PLA2R1: variants seen among roughly 807,000 people sequenced by gnomAD.
PLA2R1 encodes secretory phospholipase A2 receptor.
Under a neutral mutation model 195.9 loss-of-function variants are expected in PLA2R1, and 158 were observed. That is an observed-to-expected ratio of 0.81 (90% CI 0.71 to 0.92). The LOEUF is 0.92. Among genes scored for constraint, PLA2R1 ranks in the 40% least tolerant of loss-of-function variants. The probability of loss-of-function intolerance (pLI) is 0.00; values close to 1 mark genes in which losing one functional copy is unlikely to be tolerated. For missense variants in PLA2R1, 1,626 were observed against 1,764.6 expected, an observed-to-expected ratio of 0.92 and a Z score of 1.41; for synonymous variants, 586 against 598.2, an observed-to-expected ratio of 0.98 and a Z score of 0.30.
In PLA2R1 at chr2:159,987,171, C is replaced by G. The variant is rs1262392702; in HGVS notation, c.2022G>C (p.Leu674=). Residue 674 remains leucine, a synonymous_variant, in exon 12 of 30, where the codon CTG becomes CTC. Transcript: ENST00000283243. ...TTGGTATCACCTTGAAGCAACTGGCCAGACCAGGCTCTGACTCCCAGTCCA... is the reference window on the plus strand; with the variant it reads ...TTGGTATCACCTTGAAGCAACTGGCGAGACCAGGCTCTGACTCCCAGTCCA... ...CYLDWESEPG[L]ASCFKVFHSE... 6.2e-7 allele frequency: 1 copy of G among 1,613,378 alleles called. No individual in the cohort carries two copies. Among genetic ancestry groups the G allele is most frequent in the Non-Finnish European group, 8.5e-7 (1 of 1,179,370 alleles).
intron 11 of PLA2R1, among the ~76,000 whole-genome samples, chr2:160,005,002 A>C (rs915786327): frequency 6.6e-6 from 1 of 152,192 alleles, no homozygotes; most frequent in African/African-American, 2.4e-5. Flanking sequence ...TTCTGAACTG[A>C]GTAAGCACTT....
chr2:160,053,079 G>A (rs185620699), intron 1 of PLA2R1, among the ~76,000 whole-genome samples: 40 of 152,292 alleles, frequency 2.6e-4, no homozygotes, highest in East Asian at 7.7e-4. Flanking sequence ...GGCTGGAAGC[G>A]TGAGATTACA....
rs190122135 is a variant in PLA2R1, at chr2:160,029,581, T to G, written c.842-618A>C. On this transcript the variant is annotated intron_variant, in intron 4 of 29. Transcript: ENST00000283243. ...TCCTCTTAACCAGTCCACTACAACT[T>G]GCAGTTTAATGCAATACCATTTTTG... Among the ~76,000 whole-genome samples the G allele has an allele frequency of 2.6e-5, 4 of 152,208 alleles. No homozygotes were observed. The East Asian group carries it at 7.7e-4, about 29-fold the overall frequency.
At chr2:160,028,604 A>ATTTTTAAACAGCAGACTGGAATCTTG (rs1693666593) in intron 5 of PLA2R1, among the ~76,000 whole-genome samples, 1 of 152,128 alleles carries the variant, frequency 6.6e-6, no homozygotes, top group South Asian at 2.1e-4. Flanking sequence ...ATTTGTAGCT[A>ATTTTTAAACAGCAGACTGGAATCTTG]TTTTTAAAAC....
At chr2:160,023,740 G>T (rs998444786) in intron 6 of PLA2R1, among the ~76,000 whole-genome samples, 49 of 152,202 alleles carry the variant, frequency 3.2e-4, no homozygotes, top group Admixed American at 2.7e-3. Flanking sequence ...CCCCTTTCTG[G>T]TAACACCTGG....
chr2:160,009,819 A>C (rs1692237243), intron 10 of PLA2R1, among the ~76,000 whole-genome samples: 1 of 152,226 alleles, frequency 6.6e-6, no homozygotes, highest in South Asian at 2.1e-4. Context: ...ATGCACATTT[A>C]AGCTTAGGAG....
At chr2:160,038,948 C>T (rs769820313) in intron 3 of PLA2R1, among the ~76,000 whole-genome samples, 17 of 152,070 alleles carry the variant, frequency 1.1e-4, no homozygotes, top group Non-Finnish European at 2.1e-4. Context: ...CTCACTGCAA[C>T]CTCCATCTCC....
intron 20 of PLA2R1, among the ~76,000 whole-genome samples, chr2:159,965,623 T>C (rs1268730866): frequency 6.6e-6 from 1 of 152,206 alleles, no homozygotes; most frequent in Admixed American, 6.5e-5. Flanking sequence ...GGTTTTTACA[T>C]ATACATAAGT....
intron 10 of PLA2R1, among the ~76,000 whole-genome samples, chr2:160,011,010 A>G (rs1398489807): frequency 6.6e-6 from 1 of 152,232 alleles, no homozygotes; most frequent in African/African-American, 2.4e-5. Flanking sequence ...CAAGACTGGG[A>G]TAAAAACAAA....
At chr2:160,010,864 A>G (rs553802570) in intron 10 of PLA2R1, among the ~76,000 whole-genome samples, 5 of 152,228 alleles carry the variant, frequency 3.3e-5, no homozygotes, top group Admixed American at 6.5e-5. Context: ...GAATGTAGAC[A>G]TGTTTTGGGG....
chr2:160,028,920 A>G lies in PLA2R1; in HGVS notation c.885T>C (p.Asn295=). The G allele has an allele frequency of 1.2e-6, 2 of 1,611,224 alleles. No individual in the cohort carries two copies. The highest frequency in any genetic ancestry group is 1.7e-6 in the Non-Finnish European group (2 of 1,177,252). The part of the protein sequence containing the change: ...SKTVEVWMGL[N]QLDEHAGWQW... The stretch of plus-strand genomic sequence containing the variant: ...GCCAGCCAGCGTGTTCATCCAGCTG[A>G]TTGAGGCCCATCCACACCTCCACTG... Residue 295 remains asparagine (N), a synonymous_variant, in exon 5 of 30, where the codon AAT becomes AAC. Coordinates refer to ENST00000283243, the MANE Select transcript of PLA2R1 (RefSeq NM_007366.5).
chr2:160,049,756 G>A (rs1695106489), intron 1 of PLA2R1, among the ~76,000 whole-genome samples: 1 of 152,144 alleles, frequency 6.6e-6, no homozygotes, highest in African/African-American at 2.4e-5. Context: ...AACCCAGGAG[G>A]TGGAGGCTGC....
intron 12 of PLA2R1, among the ~76,000 whole-genome samples, chr2:159,986,899 T>C (rs1316705035): frequency 6.6e-6 from 1 of 152,178 alleles, no homozygotes; most frequent in African/African-American, 2.4e-5. Context: ...GTGCCTGGTA[T>C]TTCTGCTTAA....
At chr2:160,035,924 C>T (rs956293113) in intron 3 of PLA2R1, among the ~76,000 whole-genome samples, 1 of 152,180 alleles carries the variant, frequency 6.6e-6, no homozygotes, top group Non-Finnish European at 1.5e-5. Context: ...TTCATCAGCA[C>T]TTGGCAGGCT....
At chr2:159,931,742 T>A (rs529554266), downstream of PLA2R1, among the ~76,000 whole-genome samples, 1 of 152,224 alleles carries the variant, frequency 6.6e-6, no homozygotes, top group Admixed American at 6.5e-5. Context: ...TTCATTTTCA[T>A]TTACGAAAAA....
In PLA2R1 at chr2:159,949,706, G is replaced by C. The variant is rs910854860; in HGVS notation, c.3611C>G (p.Ser1204Cys). ...SFTFWKDEES[S>C]LLGDCVFADS... ...GGCAAAAACGCAGTCACCAAGGAGG[G>C]AGGACTCCTCATCTTTCCAAAAAGT... Residue 1204 changes from serine (S) to cysteine (C), a missense_variant, in exon 25 of 30, where the codon TCC becomes TGC. Transcript: ENST00000283243. The C allele has an allele frequency of 3.7e-6, 6 of 1,613,720 alleles. No individual in the cohort carries two copies. The highest frequency in any genetic ancestry group is 5.1e-6 in the Non-Finnish European group (6 of 1,179,600).
intron 6 of PLA2R1, among the ~76,000 whole-genome samples, chr2:160,025,588 CAAAA>C (rs56365741): frequency 1.9e-5 from 1 of 52,866 alleles, no homozygotes; most frequent in Admixed American, 2.8e-4. Flanking sequence ...AACCATAAAG[CAAAA>C]AAAAAAAAAA....
At chr2:160,046,589 C>T (rs993371515) in intron 1 of PLA2R1, among the ~76,000 whole-genome samples, 6 of 152,094 alleles carry the variant, frequency 3.9e-5, no homozygotes, top group African/African-American at 1.4e-4. Flanking sequence ...GATACTGTTT[C>T]AAAAAGATTG....
intron 23 of PLA2R1, among the ~76,000 whole-genome samples, chr2:159,954,730 G>C (rs1305723619): frequency 6.6e-6 from 1 of 151,982 alleles, no homozygotes; most frequent in Non-Finnish European, 1.5e-5. Flanking sequence ...TGTGGCTTTG[G>C]CATTTCACAC....
Sources: allele counts gnomAD v4.1 joint callset (sites outside exome capture counted in the v4.1 genomes callset), GRCh38; gene constraint gnomAD v4.1.1; transcripts MANE v1.5; gene names NCBI Gene and HGNC (gene_info 2026-07-23, HGNC 2026-07-21).